The following STC1 variants were observed in gnomAD, a reference collection of about 807,000 sequenced individuals.
The protein encoded by STC1 is stanniocalcin-1.
A neutral mutation model predicts 22.6 loss-of-function variants in STC1; 7 were observed. The observed-to-expected ratio is 0.31, with a 90% CI of 0.18 to 0.58. The LOEUF is 0.58. Among genes scored for constraint, STC1 ranks in the 20% least tolerant of loss-of-function variants. The pLI is 0.89. For missense variants in STC1, 224 were observed against 311.0 expected, an observed-to-expected ratio of 0.72 and a Z score of 2.10; for synonymous variants, 113 against 120.7, an observed-to-expected ratio of 0.94 and a Z score of 0.42.
At chr8:23,850,075 G>C (rs1311438400) in intron 3 of STC1, among the ~76,000 whole-genome samples, 1 of 152,208 alleles carries the variant, frequency 6.6e-6, no homozygotes, top group Admixed American at 6.5e-5. Context: ...AAATTGATTT[G>C]TGGTTCTGAA....
intron 3 of STC1, among the ~76,000 whole-genome samples, chr8:23,849,695 A>T (rs1286329547): frequency 2.0e-5 from 3 of 152,212 alleles, no homozygotes; most frequent in Non-Finnish European, 4.4e-5. Context: ...AATATGCCGT[A>T]TTATAGATCA....
In STC1 at chr8:23,851,529, T is replaced by C. The variant is rs143105248; in HGVS notation, c.264A>G (p.Gly88=). Residue 88 remains glycine (G), a splice_region_variant and synonymous_variant, in exon 3 of 4, where the codon GGA becomes GGG. Transcript: ENST00000290271. ...LYSAAKFDTQ[G]KAFVKESLKC... ...TTAAGCTCTCTTTGACGAATGCTTT[T>C]CCCTGCCATGGAGGAAGGACAAGAG... The C allele has an allele frequency of 3.2e-5, 52 of 1,614,068 alleles. No individual in the cohort carries two copies. In the African/African-American group the frequency reaches 6.5e-4, roughly 20 times the overall value.
intron 3 of STC1, among the ~76,000 whole-genome samples, chr8:23,847,593 C>T (rs1802587773): frequency 6.6e-6 from 1 of 152,238 alleles, no homozygotes. Flanking sequence ...TCACCAGTTT[C>T]TCAGTATGAG....
At chr8:23,849,818 C>T (rs538743347) in intron 3 of STC1, among the ~76,000 whole-genome samples, 29 of 152,282 alleles carry the variant, frequency 1.9e-4, no homozygotes, top group African/African-American at 5.5e-4. Flanking sequence ...TAGCCCCTGT[C>T]TGGCTAAGAA....
chr8:23,851,238 A>T, intron 3 of STC1, 82 bp downstream of exon 3: 1 of 1,357,516 alleles, frequency 7.4e-7, no homozygotes, highest in Non-Finnish European at 1.1e-6. Context: ...GTGGCAATTT[A>T]ACCCTCCCTC....
chr8:23,852,056 CTGTGTGTG>C (rs111788542), intron 2 of STC1, among the ~76,000 whole-genome samples, 178 bp downstream of exon 2: 2 of 147,334 alleles, frequency 1.4e-5, no homozygotes, highest in South Asian at 4.3e-4. Flanking sequence ...ATGAGTGCCT[CTGTGTGTG>C]TGTGTGTGTG....
Position 23,854,750 on chromosome 8 carries a change from CGCT to C in STC1, c.-230_-228del, listed in dbSNP as rs886137148. The C allele has an allele frequency of 1.9e-3, 1,190 of 623,926 alleles. No homozygotes were observed. The highest frequency in any genetic ancestry group is 2.3e-3 in the East Asian group (73 of 31,674). The allele number at this position is 623,926 out of a possible 1,614,324, so 38.6% of individuals were successfully genotyped here. A position where few individuals can be genotyped will look rare whatever the true frequency, so the allele number is the denominator to read the frequency against. Reference sequence around the variant, plus strand: ...CCGCTGCTGCTGCTGCTGCCACCGCCGCTGCTGCTGCTGCTGCTGCAGTCGCTG... The same window carrying C: ...CCGCTGCTGCTGCTGCTGCCACCGCCGCTGCTGCTGCTGCTGCAGTCGCTG... On this transcript the variant is annotated 5_prime_UTR_variant, in exon 1 of 4. Transcript: ENST00000290271.
Position 23,853,947 on chromosome 8 carries a change from C to A in STC1, c.118+459G>T, listed in dbSNP as rs572387047. 55 of 884,438 alleles carry A rather than the reference C, an allele frequency of 6.2e-5. 1 individual carries two copies. In the East Asian group the frequency reaches 1.8e-3, roughly 29 times the overall value. 54.8% of individuals were successfully genotyped at this position (884,438 alleles called of 1,614,324 possible). A position where few individuals can be genotyped will look rare whatever the true frequency, so the allele number is the denominator to read the frequency against. ...TCTGAAAATCAGTCTGAAGAGGGAG[C>A]TTTTCTGTGTATTCTCTTAGGTAGA... On this transcript the variant is annotated intron_variant, in intron 1 of 3. Coordinates refer to ENST00000290271, the MANE Select transcript of STC1 (RefSeq NM_003155.3).
intron 1 of STC1, 100 bp from the exon 2 acceptor site, chr8:23,852,484 A>G: frequency 7.6e-7 from 1 of 1,322,774 alleles, no homozygotes; most frequent in Non-Finnish European, 1.0e-6. Flanking sequence ...TGAGGTCAGA[A>G]GAACTTATCC....
chr8:23,845,424 T>C (rs1300554089), intron 3 of STC1, among the ~76,000 whole-genome samples: 1 of 151,970 alleles, frequency 6.6e-6, no homozygotes, highest in Non-Finnish European at 1.5e-5. Context: ...CTAAGGTGGA[T>C]GAGGTGAAGC....
rs571773033 is a variant in STC1, at chr8:23,843,006, C to T, written c.*1764G>A. ...TCTCTCCTCCCACCAGGATCCCTAT[C>T]ACTCGATTTGGTCAAATCTTGAGTT... is the stretch of plus-strand genomic sequence containing the variant. On this transcript the variant is annotated 3_prime_UTR_variant, in exon 4 of 4. Coordinates refer to ENST00000290271, the MANE Select transcript of STC1 (RefSeq NM_003155.3). 2.0e-5 allele frequency: 3 copies of T among 152,784 alleles called. No individual in the cohort carries two copies. In the East Asian group the frequency reaches 5.8e-4, roughly 30 times the overall value. The allele number at this position is 152,784 out of a possible 1,614,324, so 9.5% of individuals were successfully genotyped here.
chr8:23,854,755 CT>C lies in STC1; in HGVS notation c.-233del. On this transcript the variant is annotated 5_prime_UTR_variant, in exon 1 of 4. Coordinates refer to ENST00000290271, the MANE Select transcript of STC1 (RefSeq NM_003155.3). ...GCTGCTGCTGCTGCCACCGCCGCTGCTGCTGCTGCTGCTGCAGTCGCTGCTT... is the reference window on the plus strand; with the variant it reads ...GCTGCTGCTGCTGCCACCGCCGCTGCGCTGCTGCTGCTGCAGTCGCTGCTT... 1.6e-6 allele frequency: 1 copy of C among 621,502 alleles called. No individual in the cohort carries two copies. Among genetic ancestry groups the C allele is most frequent in the South Asian group, 1.5e-5 (1 of 64,798 alleles). The allele number at this position is 621,502 out of a possible 1,614,324, so 38.5% of individuals were successfully genotyped here.
chr8:23,853,982 A>C, intron 1 of STC1: 1 of 990,334 alleles, frequency 1.0e-6, no homozygotes, highest in Non-Finnish European at 1.2e-6. Flanking sequence ...AGAAGTCAAG[A>C]AGTGAAGAGG....
At chr8:23,854,262 A>G (rs1802671956) in intron 1 of STC1, 144 bp downstream of exon 1, 1 of 936,554 alleles carries the variant, frequency 1.1e-6, no homozygotes, top group Non-Finnish European at 1.6e-6. Context: ...GCCTAAGGCT[A>G]TTGGATTACA....
chr8:23,854,089 G>A, intron 1 of STC1: 1 of 1,174,002 alleles, frequency 8.5e-7, no homozygotes, highest in South Asian at 2.4e-5. Context: ...TTTGAAGCAT[G>A]CCAACATTCA....
intron 3 of STC1, among the ~76,000 whole-genome samples, chr8:23,850,391 T>C (rs1802623900): frequency 6.6e-6 from 1 of 152,168 alleles, no homozygotes; most frequent in Admixed American, 6.5e-5. Flanking sequence ...AATTCAAGGC[T>C]GGGAGTCAAG....
chr8:23,849,592 GC>G (rs1802613110), intron 3 of STC1, among the ~76,000 whole-genome samples: 1 of 152,126 alleles, frequency 6.6e-6, no homozygotes, highest in South Asian at 2.1e-4. Context: ...TAGTCGAGTA[GC>G]TATATAGTTC....
chr8:23,845,760 A>G (rs1180617291), intron 3 of STC1, among the ~76,000 whole-genome samples: 3 of 152,228 alleles, frequency 2.0e-5, no homozygotes. Context: ...AATCCTAGGC[A>G]AGAAGTCTAT....
chr8:23,849,939 A>G (rs1457549014), intron 3 of STC1, among the ~76,000 whole-genome samples: 3 of 151,734 alleles, frequency 2.0e-5, no homozygotes, highest in Admixed American at 2.0e-4. Context: ...TCCTAGGGGA[A>G]ATTTAAAACC....
Sources: gnomAD v4.1 joint callset for allele counts (sites outside exome capture counted in the v4.1 genomes callset) on GRCh38, gnomAD v4.1.1 for gene constraint, MANE v1.5 for transcripts, NCBI Gene and HGNC (gene_info 2026-07-23, HGNC 2026-07-21) for gene names.